FSIP2: variants seen among roughly 807,000 people sequenced by gnomAD.
The protein encoded by FSIP2 is fibrous sheath-interacting protein 2.
In FSIP2, 367 loss-of-function variants were observed where a neutral mutation model predicts 510.5. The observed-to-expected ratio is 0.72, with a 90% CI of 0.66 to 0.78. The LOEUF is 0.78. Among genes scored for constraint, FSIP2 ranks in the 30% least tolerant of loss-of-function variants. The pLI, the probability that FSIP2 is intolerant of heterozygous loss-of-function variation, is 0.00. For synonymous variants in FSIP2, 2,601 were observed against 2,732.2 expected (o/e 0.95, Z 1.50); for missense variants, 7,594 against 7,901.7 (o/e 0.96, Z 1.48).
intron 13 of FSIP2, among the ~76,000 whole-genome samples, chr2:185,773,819 T>C (rs1360944690): frequency 3.3e-5 from 5 of 152,222 alleles, no homozygotes; most frequent in Non-Finnish European, 4.4e-5. Flanking sequence ...ATGTATTACA[T>C]ATTTTATTGC....
Position 185,756,211 on chromosome 2 carries a change from GA to G in FSIP2, c.1013del (p.Lys338ArgfsTer6). On this transcript the variant is annotated frameshift_variant, in exon 9 of 23. Coordinates refer to ENST00000424728, the MANE Select transcript of FSIP2 (RefSeq NM_173651.4). LOFTEE classifies it high-confidence loss of function. ...TTTAAGCTTCTCCAAAGAATAAAAA[GA>G]AGACTTCTGAAGATATAATGTTAGT... is the stretch of plus-strand genomic sequence containing the variant. ...GTHASPKNKK[K>X]TSEDIMLVYP... 1 of 1,294,232 alleles carries G rather than the reference GA, an allele frequency of 7.7e-7. No individual in the cohort carries two copies. The highest frequency in any genetic ancestry group is 1.1e-6 in the Non-Finnish European group (1 of 949,934). 80.2% of individuals were successfully genotyped at this position (1,294,232 alleles called of 1,614,324 possible).
Position 185,747,388 on chromosome 2 carries a change from C to A in FSIP2, c.835C>A (p.Gln279Lys), listed in dbSNP as rs1481986483. Reference protein sequence around the residue: ...DVKREERIEEQQHRNREESDR... With the variant: ...DVKREERIEEKQHRNREESDR... ...TAAAAGAGAAGAGAGGATAGAAGAA[C>A]AACAGCATAGAAACAGAGAAGAGAG... is the stretch of plus-strand genomic sequence containing the variant. Residue 279 changes from glutamine (Q) to lysine (K), a missense_variant, in exon 7 of 23, where the codon CAA becomes AAA. Transcript: ENST00000424728. The A allele has an allele frequency of 6.5e-7, 1 of 1,530,070 alleles. No individual in the cohort carries two copies. 94.8% of individuals were successfully genotyped at this position (1,530,070 alleles called of 1,614,324 possible).
Position 185,788,722 on chromosome 2 carries a change from C to T in FSIP2, c.1586C>T (p.Pro529Leu). 1 of 1,533,274 alleles carries T rather than the reference C, an allele frequency of 6.5e-7. No homozygotes were observed. The highest frequency in any genetic ancestry group is 8.7e-7 in the Non-Finnish European group (1 of 1,144,752). 95.0% of individuals were successfully genotyped at this position (1,533,274 alleles called of 1,614,324 possible). A position where few individuals can be genotyped will look rare whatever the true frequency, so the allele number is the denominator to read the frequency against. Residue 529 changes from proline (P) to leucine (L), a missense_variant, in exon 16 of 23, where the codon CCA becomes CTA. Physicochemically the swap from Pro to Leu is moderately conservative, Grantham distance 98 (BLOSUM62 -3). Coordinates refer to ENST00000424728, the MANE Select transcript of FSIP2 (RefSeq NM_173651.4). ...GCTACAGTGACCAGTATATTGTACC[C>T]AGCCATCACAAAGTATGAAAAAAGA... ...VVATVTSILY[P>L]AITKYEKRLQ...
chr2:185,762,595 C>A (rs374195255), intron 11 of FSIP2, among the ~76,000 whole-genome samples: 1 of 151,438 alleles, frequency 6.6e-6, no homozygotes, highest in Non-Finnish European at 1.5e-5. Flanking sequence ...AGGCACAAAA[C>A]CTAAGTTGCC....
At chr2:185,771,161 C>A (rs769269698) in intron 13 of FSIP2, among the ~76,000 whole-genome samples, 6 of 152,208 alleles carry the variant, frequency 3.9e-5, no homozygotes, top group Non-Finnish European at 7.3e-5. Context: ...TGCTGCTTTC[C>A]CATGCTGAGG....
intron 17 of FSIP2, among the ~76,000 whole-genome samples, chr2:185,810,082 C>T (rs944190164): frequency 3.9e-5 from 6 of 152,018 alleles, no homozygotes; most frequent in African/African-American, 1.4e-4. Flanking sequence ...ACCATGCCTC[C>T]TGGAGCATAA....
At chr2:185,784,488 C>G (rs924049176) in intron 14 of FSIP2, among the ~76,000 whole-genome samples, 23 of 152,006 alleles carry the variant, frequency 1.5e-4, no homozygotes, top group African/African-American at 5.6e-4. Flanking sequence ...CTCCCAAAAG[C>G]TATTAGTGGC....
At position 185,807,603 on chromosome 2, in the gene FSIP2, A is replaced by C; in HGVS notation, c.18297A>C (p.Gln6099His). The change falls in exon 17 of 23, where the codon CAA becomes CAC. Residue 6099 changes from glutamine (Q) to histidine (H), a missense_variant. Physicochemically the swap from Gln to His is conservative, Grantham distance 24. Coordinates refer to ENST00000424728, the MANE Select transcript of FSIP2 (RefSeq NM_173651.4). ...ATCTCTTGCCACAGTTTGGATCACA[A>C]GAGATTATACAAAATTGTGTAACCA... is the stretch of plus-strand genomic sequence containing the variant. ...YNNLLPQFGS[Q>H]EIIQNCVTSG... The C allele has an allele frequency of 6.2e-7, 1 of 1,612,834 alleles. No homozygotes were observed.
rs750378765 is a variant in FSIP2, at chr2:185,743,209, A to G, written c.302A>G (p.His101Arg). The G allele has an allele frequency of 5.9e-6, 9 of 1,530,620 alleles. No individual in the cohort carries two copies. The East Asian group carries it at 2.0e-4, about 33-fold the overall frequency. 94.8% of individuals were successfully genotyped at this position (1,530,620 alleles called of 1,614,324 possible). A position where few individuals can be genotyped will look rare whatever the true frequency, so the allele number is the denominator to read the frequency against. Residue 101 changes from histidine to arginine, a missense_variant, in exon 3 of 23, where the codon CAT becomes CGT. Transcript: ENST00000424728. ...TTGGAAAACCAATATAAAAGCCTCC[A>G]TGATCCACATTTAAAAGCATACTAT... ...RLLENQYKSL[H>R]DPHLKAYYKR...
At chr2:185,763,018 T>C (rs1379828711) in intron 11 of FSIP2, among the ~76,000 whole-genome samples, 165 bp from the exon 12 acceptor site, 2 of 151,664 alleles carry the variant, frequency 1.3e-5, no homozygotes, top group Non-Finnish European at 3.0e-5. Flanking sequence ...AGACGTGTTA[T>C]TTTTGGAGAT....
Position 185,793,494 on chromosome 2 carries a change from T to C in FSIP2, c.6358T>C (p.Cys2120Arg), listed in dbSNP as rs1480057047. 2.6e-6 allele frequency: 4 copies of C among 1,534,382 alleles called. No individual in the cohort carries two copies. The highest frequency in any genetic ancestry group is 3.5e-6 in the Non-Finnish European group (4 of 1,145,726). Residue 2120 changes from cysteine to arginine, a missense_variant, in exon 16 of 23, where the codon TGT (cysteine) becomes CGT (arginine). Transcript: ENST00000424728. ...NLSFATPTLK[C>R]SIADKHSEEN... ...CTCATTTGCCACACCCACTCTGAAA[T>C]GTAGCATAGCTGATAAACATTCAGA...
At position 185,807,264 on chromosome 2, in the gene FSIP2, G is replaced by T; in HGVS notation, c.17958G>T (p.Lys5986Asn). 1 of 1,612,520 alleles carries T rather than the reference G, an allele frequency of 6.2e-7. No individual in the cohort carries two copies. The highest frequency in any genetic ancestry group is 1.3e-5 in the African/African-American group (1 of 74,910). The part of the protein sequence containing the change: ...LPLESKDVVK[K>N]VQKLAQTASK... ...TGGAATCTAAGGATGTTGTTAAAAA[G>T]GTCCAAAAGTTGGCCCAAACAGCCA... Residue 5986 changes from lysine (K) to asparagine (N), a missense_variant, in exon 17 of 23, where the codon AAG becomes AAT. Physicochemically the swap from Lys to Asn is moderately conservative, Grantham distance 94. Coordinates refer to ENST00000424728, the MANE Select transcript of FSIP2 (RefSeq NM_173651.4).
intron 13 of FSIP2, among the ~76,000 whole-genome samples, chr2:185,773,383 T>C (rs962953018): frequency 2.0e-5 from 3 of 152,210 alleles, no homozygotes; most frequent in African/African-American, 7.2e-5. Flanking sequence ...AATGAGGTTT[T>C]CTTTGTAAGT....
At chr2:185,823,919 A>T (rs1461266464) in intron 19 of FSIP2, among the ~76,000 whole-genome samples, 1 of 151,830 alleles carries the variant, frequency 6.6e-6, no homozygotes, top group Non-Finnish European at 1.5e-5. Context: ...GAAGGATATT[A>T]TGACACATAC....
At chr2:185,799,052 C>A (rs4547499) in intron 16 of FSIP2, among the ~76,000 whole-genome samples, 82,494 of 151,560 alleles carry the variant, frequency 0.54, 22,715 homozygotes, top group South Asian at 0.64. Flanking sequence ...CCACACCCAG[C>A]AGTTGGCCAT....
Position 185,805,764 on chromosome 2 carries a change from C to A in FSIP2, c.16458C>A (p.Asp5486Glu). The change falls in exon 17 of 23, where the codon GAC (aspartate) becomes GAA (glutamate). Residue 5486 changes from aspartate to glutamate, a missense_variant. By Grantham distance (45) the Asp-to-Glu change is conservative. Coordinates refer to ENST00000424728, the MANE Select transcript of FSIP2 (RefSeq NM_173651.4). Reference sequence around the variant, plus strand: ...AGGACACATCAGTGAAAAAAGGTGACATCCAAAATCCAGTACTTAGCTCTA... The same window carrying A: ...AGGACACATCAGTGAAAAAAGGTGAAATCCAAAATCCAGTACTTAGCTCTA... ...KTKDTSVKKG[D>E]IQNPVLSSIN... The A allele has an allele frequency of 6.3e-7, 1 of 1,599,928 alleles. No individual in the cohort carries two copies. The highest frequency in any genetic ancestry group is 8.5e-7 in the Non-Finnish European group (1 of 1,175,352).
intron 15 of FSIP2, among the ~76,000 whole-genome samples, chr2:185,786,715 T>C (rs761682109): frequency 6.6e-6 from 1 of 151,854 alleles, no homozygotes; most frequent in Non-Finnish European, 1.5e-5. Context: ...TGGTCACCTA[T>C]GAGCTGAGAC....
In FSIP2 at chr2:185,791,286, A is replaced by G. The variant is rs559312963; in HGVS notation, c.4150A>G (p.Lys1384Glu). The G allele has an allele frequency of 6.5e-7, 1 of 1,534,172 alleles. No homozygotes were observed. Among genetic ancestry groups the G allele is most frequent in the South Asian group, 1.2e-5 (1 of 83,976 alleles). The change falls in exon 16 of 23, where the codon AAG becomes GAG. Residue 1384 changes from lysine to glutamate, a missense_variant. Transcript: ENST00000424728. ...CATTTCACTCTCTTCTCGTAAGCCA[A>G]AGTCTGCAACTGACAGTGTTGATGT... is the stretch of plus-strand genomic sequence containing the variant. Reference protein sequence around the residue: ...RSISLSSRKPKSATDSVDVQS... With the variant: ...RSISLSSRKPESATDSVDVQS...
rs749131877 is a variant in FSIP2, at chr2:185,763,234, C to T, written c.1292C>T (p.Pro431Leu). Residue 431 changes from proline (P) to leucine (L), a missense_variant, in exon 12 of 23, where the codon CCC becomes CTC. By Grantham distance (98) the Pro-to-Leu change is moderately conservative (BLOSUM62 -3). Transcript: ENST00000424728. ...QGSIISAQVS[P>L]TRNFSRVSQA... ...TCAATTATTTCAGCGCAGGTATCAC[C>T]CACGAGAAATTTTTCCAGAGTTTCA... The T allele has an allele frequency of 1.3e-6, 2 of 1,522,450 alleles. No individual in the cohort carries two copies. The highest frequency in any genetic ancestry group is 1.7e-4 in the Middle Eastern group (1 of 5,952). 94.3% of individuals were successfully genotyped at this position (1,522,450 alleles called of 1,614,324 possible). A position where few individuals can be genotyped will look rare whatever the true frequency, so the allele number is the denominator to read the frequency against.
Sources: allele counts gnomAD v4.1 joint callset (sites outside exome capture counted in the v4.1 genomes callset), GRCh38; gene constraint gnomAD v4.1.1; transcripts MANE v1.5; gene names NCBI Gene and HGNC (gene_info 2026-07-23, HGNC 2026-07-21).